The following FZR1 variants were observed in gnomAD, a reference collection of about 807,000 sequenced individuals.
The protein encoded by FZR1 is fizzy and cell division cycle 20 related 1, also known as fizzy-related protein homolog.
Under a neutral mutation model 63.6 loss-of-function variants are expected in FZR1, and 11 were observed. The observed-to-expected ratio is 0.17, with a 90% CI of 0.11 to 0.29. FZR1 has a LOEUF of 0.29. Among genes scored for constraint, FZR1 ranks in the 10% least tolerant of loss-of-function variants. FZR1 has a pLI of 1.00. For missense variants in FZR1, 440 were observed against 687.5 expected (o/e 0.64, Z 4.03); for synonymous variants, 328 against 297.9 (o/e 1.10, Z -1.04).
intron 1 of FZR1, among the ~76,000 whole-genome samples, chr19:3,520,280 A>T (rs1391916081): frequency 6.6e-6 from 1 of 151,942 alleles, no homozygotes; most frequent in Non-Finnish European, 1.5e-5. Flanking sequence ...ATTCTGGGCG[A>T]GGGAGAAGGG....
rs563107678 is a variant in FZR1 at position 3,531,248 on chromosome 19, C to G, written c.720+391C>G. ...GCATATCATGGGGAGGGTCTGTGCC[C>G]CTCACCCAGAGCTGCCCAGGGCTGC... On this transcript the variant is annotated intron_variant, in intron 8 of 13. Transcript: ENST00000441788. 9.8e-5 allele frequency among the ~76,000 whole-genome samples: 15 copies of G among 152,288 alleles called. No individual in the cohort carries two copies. The South Asian group carries it at 3.1e-3, about 32-fold the overall frequency.
chr19:3,511,339 G>A (rs2083023209), intron 1 of FZR1, among the ~76,000 whole-genome samples: 1 of 152,240 alleles, frequency 6.6e-6, no homozygotes, highest in Admixed American at 6.5e-5. Flanking sequence ...ACACAGGGAA[G>A]AGGGTGAGAG....
intron 7 of FZR1, 109 bp downstream of exon 7, chr19:3,527,923 C>T (rs1038090681): frequency 2.5e-6 from 2 of 785,598 alleles, no homozygotes; most frequent in Non-Finnish European, 3.8e-6. Flanking sequence ...AGGCGCCTGC[C>T]ATGGCCCTCC....
chr19:3,531,866 C>T (rs777013582), intron 9 of FZR1, 45 bp from the exon 10 acceptor site: 47 of 1,556,152 alleles, frequency 3.0e-5, no homozygotes, highest in East Asian at 9.6e-5. Context: ...GCCCCAGCTC[C>T]GCGAGGGCAG....
At chr19:3,511,744 C>T (rs778758874) in intron 1 of FZR1, among the ~76,000 whole-genome samples, 13 of 152,126 alleles carry the variant, frequency 8.5e-5, no homozygotes, top group African/African-American at 1.9e-4. Flanking sequence ...GCCCAGGCAC[C>T]GGCCTCCAAC....
rs749806802 is a variant in FZR1 at position 3,535,133 on chromosome 19, G to A, written c.*297G>A. The A allele has an allele frequency of 1.2e-4, 58 of 472,046 alleles. No homozygotes were observed. The highest frequency in any genetic ancestry group is 7.2e-4 in the African/African-American group (37 of 51,120). 29.2% of individuals were successfully genotyped at this position (472,046 alleles called of 1,614,324 possible). On this transcript the variant is annotated 3_prime_UTR_variant, in exon 14 of 14. Coordinates refer to ENST00000441788, the MANE Select transcript of FZR1 (RefSeq NM_016263.4). ...GGCTCAGACCGTCTGTACTCAGAGC[G>A]ACGGATGCCCCCTGGGACCCTCACT...
intron 1 of FZR1, among the ~76,000 whole-genome samples, chr19:3,508,764 C>G (rs72976603): frequency 6.6e-6 from 1 of 152,142 alleles, no homozygotes; most frequent in Non-Finnish European, 1.5e-5. Context: ...CTCCACTGCC[C>G]AATTCTGTCC....
In FZR1 at chr19:3,532,596, C is replaced by A; in HGVS notation, c.1188C>A (p.Ile396=). 1 of 1,612,728 alleles carries A rather than the reference C, an allele frequency of 6.2e-7. No individual in the cohort carries two copies. The highest frequency in any genetic ancestry group is 8.5e-7 in the Non-Finnish European group (1 of 1,179,810). ...NTLTGQPLQC[I]DTGSQVCNLA... ...TGACAGGACAACCACTGCAGTGTAT[C>A]GACACGGGCTCCCAAGTGTGCAATC... is the stretch of plus-strand genomic sequence containing the variant. The change falls in exon 11 of 14, where the codon ATC becomes ATA. Residue 396 remains isoleucine (I), a synonymous_variant. Transcript: ENST00000441788.
rs1303211819 is a variant in FZR1 at position 3,523,194 on chromosome 19, G to T, written c.69+136G>T. 34 of 703,202 alleles carry T rather than the reference G, an allele frequency of 4.8e-5. No homozygotes were observed. In the South Asian group the frequency reaches 5.3e-4, roughly 11 times the overall value. The allele number at this position is 703,202 out of a possible 1,614,324, so 43.6% of individuals were successfully genotyped here. On this transcript the variant is annotated intron_variant, in intron 2 of 13. Transcript: ENST00000441788. ...AGGTCCCAGTCCCCCAGGTCACACG[G>T]GGCCTCCGCCTCCTGGGCTGTCAGG...
chr19:3,509,918 G>A (rs1036513659), intron 1 of FZR1, among the ~76,000 whole-genome samples: 12 of 152,036 alleles, frequency 7.9e-5, no homozygotes, highest in African/African-American at 2.4e-4. Context: ...AGAGGCAGGC[G>A]CTGGTGGTTG....
At chr19:3,507,332 G>A (rs2082991603) in intron 1 of FZR1, among the ~76,000 whole-genome samples, 1 of 151,436 alleles carries the variant, frequency 6.6e-6, no homozygotes, top group South Asian at 2.1e-4. Context: ...TATGGAGTGT[G>A]CCCCCCATTC....
intron 1 of FZR1, among the ~76,000 whole-genome samples, chr19:3,518,440 A>C (rs2083074927): frequency 6.6e-6 from 1 of 152,196 alleles, no homozygotes; most frequent in South Asian, 2.1e-4. Flanking sequence ...AGGGTGCTGA[A>C]AGTACAGAAG....
chr19:3,523,381 C>A (rs1483334439), intron 2 of FZR1, among the ~76,000 whole-genome samples: 2 of 152,198 alleles, frequency 1.3e-5, no homozygotes, highest in Admixed American at 1.3e-4. Flanking sequence ...AAGCCCCAGG[C>A]ACATCTGGAA....
chr19:3,534,678 G>A (rs565920830), intron 13 of FZR1, 117 bp from the exon 14 acceptor site: 1 of 1,002,104 alleles, frequency 1.0e-6, no homozygotes, highest in African/African-American at 1.6e-5. Context: ...GCAGGCCGAG[G>A]CTGAACTGGC....
In FZR1 at chr19:3,536,002, C is replaced by A. The variant is rs980462723; in HGVS notation, c.*1166C>A. The A allele has an allele frequency of 1.3e-5, 2 of 152,412 alleles. No homozygotes were observed. Among genetic ancestry groups the A allele is most frequent in the African/African-American group, 4.8e-5 (2 of 41,440 alleles). The allele number at this position is 152,412 out of a possible 1,614,324, so 9.4% of individuals were successfully genotyped here. On this transcript the variant is annotated 3_prime_UTR_variant, in exon 14 of 14. Transcript: ENST00000441788. Reference sequence around the variant, plus strand: ...GAGCTGAGCACTGCCCCCTCACCCCCCCACCACCCCTTCCCATTTCATCGG... The same window carrying A: ...GAGCTGAGCACTGCCCCCTCACCCCACCACCACCCCTTCCCATTTCATCGG...
intron 1 of FZR1, among the ~76,000 whole-genome samples, chr19:3,513,748 C>T (rs2121911998): frequency 6.6e-6 from 1 of 152,250 alleles, no homozygotes. Context: ...TGCTCCACGT[C>T]CCCTGTGGGT....
rs1307939014 is a variant in FZR1, at chr19:3,531,984, C to T, written c.897C>T (p.Arg299=). 2 of 1,561,906 alleles carry T rather than the reference C, an allele frequency of 1.3e-6. No individual in the cohort carries two copies. Among genetic ancestry groups the T allele is most frequent in the Non-Finnish European group, 1.7e-6 (2 of 1,157,834 alleles). ...GCATGATCCTGCAGAGGGACATCCGCACCCCGCCACTGCAGTCGGAGCGGC... is the reference window on the plus strand; with the variant it reads ...GCATGATCCTGCAGAGGGACATCCGTACCCCGCCACTGCAGTCGGAGCGGC... The part of the protein sequence containing the change: ...RDRMILQRDI[R]TPPLQSERRL... Residue 299 remains arginine (R), a synonymous_variant, in exon 10 of 14, where the codon CGC becomes CGT. Coordinates refer to ENST00000441788, the MANE Select transcript of FZR1 (RefSeq NM_016263.4).
intron 7 of FZR1, among the ~76,000 whole-genome samples, chr19:3,528,637 G>A (rs2083188003): frequency 6.8e-6 from 1 of 147,656 alleles, no homozygotes; most frequent in Admixed American, 6.6e-5. Flanking sequence ...GTGGATGGGA[G>A]AGTGGATGGG....
chr19:3,531,500 A>G (rs1366439091), intron 8 of FZR1, among the ~76,000 whole-genome samples: 1 of 152,208 alleles, frequency 6.6e-6, no homozygotes, highest in African/African-American at 2.4e-5. Flanking sequence ...GGACTCTGAG[A>G]AACCCAGGCG....
Sources: gnomAD v4.1 joint callset for allele counts (sites outside exome capture counted in the v4.1 genomes callset) on GRCh38, gnomAD v4.1.1 for gene constraint, MANE v1.5 for transcripts, NCBI Gene and HGNC (gene_info 2026-07-23, HGNC 2026-07-21) for gene names.